Variants in ALMS1 observed in about 807,000 individuals in gnomAD.
ALMS1 encodes centrosome-associated protein ALMS1.
In ALMS1, 271 loss-of-function variants were observed where a neutral mutation model predicts 352.2. The ratio of observed to expected loss-of-function variants is 0.77; its 90% CI spans 0.70 to 0.85. The LOEUF (loss-of-function observed/expected upper bound fraction) is 0.85, where lower values mean the gene tolerates loss of function less well. ALMS1 is among the 40% of genes least tolerant of loss of function. The pLI is 0.00. For missense variants in ALMS1, 5,445 were observed against 4,870.7 expected (o/e 1.12, Z -3.51); for synonymous variants, 1,865 against 1,761.2 (o/e 1.06, Z -1.48).
At chr2:73,423,113 T>C in intron 4 of ALMS1, 139 bp downstream of exon 4, 1 of 757,284 alleles carries the variant, frequency 1.3e-6, no homozygotes, top group Non-Finnish European at 2.3e-6. Flanking sequence ...AACAAAGTCC[T>C]GTACTAAGAC....
chr2:73,531,907 G>C (rs59636751), intron 11 of ALMS1, among the ~76,000 whole-genome samples: 32 of 152,322 alleles, frequency 2.1e-4, no homozygotes, highest in African/African-American at 6.7e-4. Context: ...TGAGAACAAG[G>C]TGGGAACCAC....
Position 73,452,535 on chromosome 2 carries a change from T to G in ALMS1, c.6008T>G (p.Ile2003Arg). ...AAACTCAAGATTTCAACTGTGCATATACCAGATGACCAGAAAACTGAGTTT... is the reference window on the plus strand; with the variant it reads ...AAACTCAAGATTTCAACTGTGCATAGACCAGATGACCAGAAAACTGAGTTT... ...KEKLKISTVH[I>R]PDDQKTEFPA... The change falls in exon 8 of 23, where the codon ATA becomes AGA. Residue 2003 changes from isoleucine (I) to arginine (R), a missense_variant. Physicochemically the swap from Ile to Arg is moderately conservative, Grantham distance 97 (BLOSUM62 -3). Coordinates refer to ENST00000613296, the MANE Select transcript of ALMS1 (RefSeq NM_001378454.1). 6.2e-7 allele frequency: 1 copy of G among 1,614,048 alleles called. No homozygotes were observed.
At chr2:73,398,109 A>G (rs1043859371) in intron 1 of ALMS1, among the ~76,000 whole-genome samples, 1 of 152,152 alleles carries the variant, frequency 6.6e-6, no homozygotes, top group Admixed American at 6.6e-5. Flanking sequence ...ATACTTTTGC[A>G]CTTTGCATTT....
chr2:73,540,585 G>A (rs941222687), intron 12 of ALMS1, among the ~76,000 whole-genome samples: 1 of 152,142 alleles, frequency 6.6e-6, no homozygotes, highest in Non-Finnish European at 1.5e-5. Context: ...TGGCAAATTG[G>A]ATAAAGAGTC....
chr2:73,538,753 G>A (rs146672754), intron 12 of ALMS1, among the ~76,000 whole-genome samples: 7,109 of 152,262 alleles, frequency 0.047, 239 homozygotes, highest in Non-Finnish European at 0.069. Context: ...CACCTGGCTC[G>A]GAGGATCCTA....
At chr2:73,528,561 T>C (rs1016589318) in intron 11 of ALMS1, among the ~76,000 whole-genome samples, 3 of 152,230 alleles carry the variant, frequency 2.0e-5, no homozygotes, top group Admixed American at 2.0e-4. Context: ...TTTTGGTTTC[T>C]ATTTGCGTGG....
intron 16 of ALMS1, among the ~76,000 whole-genome samples, chr2:73,587,051 T>C (rs1018454465): frequency 3.3e-5 from 5 of 152,174 alleles, no homozygotes; most frequent in African/African-American, 1.2e-4. Context: ...GTAAAAGGGA[T>C]TGAGTTCTTG....
At chr2:73,470,734 A>G (rs1456092523) in intron 9 of ALMS1, 2 of 151,618 alleles carry the variant, frequency 1.3e-5, no homozygotes, top group African/African-American at 4.8e-5. Flanking sequence ...GCTAATTGCT[A>G]TTTTTCCCTT....
chr2:73,443,758 G>C (rs1359165153), intron 7 of ALMS1, among the ~76,000 whole-genome samples: 2 of 152,148 alleles, frequency 1.3e-5, no homozygotes, highest in Non-Finnish European at 2.9e-5. Context: ...TAGACTGGGG[G>C]AGGGGTAGAA....
At chr2:73,414,473 G>GTTTTTTTTTTTTT (rs61660489) in intron 2 of ALMS1, among the ~76,000 whole-genome samples, 4 of 66,416 alleles carry the variant, frequency 6.0e-5, no homozygotes, top group Admixed American at 2.0e-4. Flanking sequence ...CTTTTTTTCC[G>GTTTTTTTTTTTTT]TTTTTTTTTT....
intron 16 of ALMS1, among the ~76,000 whole-genome samples, chr2:73,594,322 T>C (rs1376900674): frequency 6.6e-6 from 1 of 152,250 alleles, no homozygotes; most frequent in Non-Finnish European, 1.5e-5. Context: ...GACTTTTCTA[T>C]TTTTAAATGT....
chr2:73,558,985 T>C lies in ALMS1; in HGVS notation c.10227T>C (p.Ala3409=). The change falls in exon 15 of 23, where the codon GCT becomes GCC. Residue 3409 remains alanine (A), a synonymous_variant. Coordinates refer to ENST00000613296, the MANE Select transcript of ALMS1 (RefSeq NM_001378454.1). The part of the protein sequence containing the change: ...LQKDTADSSA[A]AAAEHSAQVG... Reference sequence around the variant, plus strand: ...TCCCTTTCGTAGATTCCAGTGCTGCTGCTGCTGCAGAGCACTCAGCTCAAG... The same window carrying C: ...TCCCTTTCGTAGATTCCAGTGCTGCCGCTGCTGCAGAGCACTCAGCTCAAG... The C allele has an allele frequency of 6.2e-7, 1 of 1,614,048 alleles. No individual in the cohort carries two copies. The highest frequency in any genetic ancestry group is 8.5e-7 in the Non-Finnish European group (1 of 1,179,928).
intron 9 of ALMS1, among the ~76,000 whole-genome samples, chr2:73,476,569 TG>T (rs1280460964): frequency 6.7e-6 from 1 of 149,730 alleles, no homozygotes; most frequent in African/African-American, 2.5e-5. Flanking sequence ...TGTTATTTTC[TG>T]TTTTTTTTTG....
rs1302057894 is a variant in ALMS1, at chr2:73,450,787, G to A, written c.4260G>A (p.Gly1420=). Residue 1420 remains glycine (G), a synonymous_variant, in exon 8 of 23, where the codon GGG becomes GGA. Transcript: ENST00000613296. ...AVPGPGDRKT[G]IPTLPSTFYS... ...CTGGACCAGGTGACCGGAAGACTGGGATACCAACTTTACCCTCTACTTTCT... is the reference window on the plus strand; with the variant it reads ...CTGGACCAGGTGACCGGAAGACTGGAATACCAACTTTACCCTCTACTTTCT... 6.2e-7 allele frequency: 1 copy of A among 1,612,458 alleles called. No homozygotes were observed. Among genetic ancestry groups the A allele is most frequent in the Admixed American group, 1.7e-5 (1 of 59,848 alleles).
At chr2:73,595,408 T>G (rs983444803) in intron 16 of ALMS1, among the ~76,000 whole-genome samples, 1 of 152,232 alleles carries the variant, frequency 6.6e-6, no homozygotes, top group African/African-American at 2.4e-5. Context: ...AGATGTGGTC[T>G]TTTGCATCTG....
chr2:73,575,561 C>T lies in ALMS1; in HGVS notation c.11547+2137C>T, dbSNP rs182417216. On this transcript the variant is annotated intron_variant, in intron 16 of 22. Transcript: ENST00000613296. ...TCATTGTGGTTTTGATTTGCATTTC[C>T]CTAGTGATTATTCATGTTGCACATC... Among the ~76,000 whole-genome samples the T allele has an allele frequency of 9.8e-4, 149 of 152,164 alleles. No individual in the cohort carries two copies. The South Asian group carries it at 0.02, about 20-fold the overall frequency.
chr2:73,449,822 C>A lies in ALMS1; in HGVS notation c.3295C>A (p.Gln1099Lys), dbSNP rs764823951. The A allele has an allele frequency of 9.9e-5, 160 of 1,613,986 alleles. 1 individual carries two copies. The South Asian group carries it at 1.7e-3, about 18-fold the overall frequency. The change falls in exon 8 of 23, where the codon CAA (glutamine) becomes AAA (lysine). Residue 1099 changes from glutamine (Q) to lysine (K), a missense_variant. Gln to Lys is a moderately conservative substitution (Grantham distance 53, BLOSUM62 1). Transcript: ENST00000613296. ...TPAVPSTFYS[Q>K]REKPGIFYQQ... ...AGCAGTACCGTCTACTTTCTACTCA[C>A]AAAGAGAGAAGCCTGGTATTTTCTA...
chr2:73,452,995 G>A lies in ALMS1; in HGVS notation c.6468G>A (p.Leu2156=). ...EKPDIFYQKD[L]PDRHLTEDAL... Reference sequence around the variant, plus strand: ...CAGATATTTTCTATCAAAAGGATTTGCCAGATAGACATCTAACTGAAGATG... The same window carrying A: ...CAGATATTTTCTATCAAAAGGATTTACCAGATAGACATCTAACTGAAGATG... Residue 2156 remains leucine (L), a synonymous_variant, in exon 8 of 23, where the codon TTG becomes TTA. Transcript: ENST00000613296. The A allele has an allele frequency of 3.1e-6, 5 of 1,612,608 alleles. No individual in the cohort carries two copies. The highest frequency in any genetic ancestry group is 4.2e-6 in the Non-Finnish European group (5 of 1,179,450).
intron 13 of ALMS1, 114 bp downstream of exon 13, chr2:73,550,551 T>G (rs1315300259): frequency 7.2e-7 from 1 of 1,381,274 alleles, no homozygotes; most frequent in Non-Finnish European, 1.0e-6. Context: ...GCTTTTCTCC[T>G]TGCTGTTATA....
Sources: gnomAD v4.1 joint callset for allele counts (sites outside exome capture counted in the v4.1 genomes callset) on GRCh38, gnomAD v4.1.1 for gene constraint, MANE v1.5 for transcripts, NCBI Gene and HGNC (gene_info 2026-07-23, HGNC 2026-07-21) for gene names.